KATNIP: variants seen among roughly 807,000 people sequenced by gnomAD.
KATNIP encodes katanin-interacting protein.
Under a neutral mutation model 174.0 loss-of-function variants are expected in KATNIP, and 126 were observed. The observed-to-expected ratio is 0.72, with a 90% CI of 0.63 to 0.84. The LOEUF (loss-of-function observed/expected upper bound fraction) is 0.84. KATNIP is among the 40% of genes least tolerant of loss of function. KATNIP has a pLI of 0.00. For missense variants in KATNIP, 1,958 were observed against 2,109.7 expected (o/e 0.93, Z 1.41); for synonymous variants, 810 against 835.7 (o/e 0.97, Z 0.53).
intron 2 of KATNIP, among the ~76,000 whole-genome samples, chr16:27,581,835 ACACAATGTTT>A (rs2090712138): frequency 6.6e-6 from 1 of 152,190 alleles, no homozygotes; most frequent in African/African-American, 2.4e-5. Context: ...AAGTGAAAAC[ACACAATGTTT>A]GGTTTTCTAT....
intron 2 of KATNIP, among the ~76,000 whole-genome samples, chr16:27,581,262 T>C (rs1198556070): frequency 6.6e-6 from 1 of 152,220 alleles, no homozygotes; most frequent in Non-Finnish European, 1.5e-5. Context: ...TTAAAGAATA[T>C]TCTGGAGCAG....
rs149154005 is a variant in KATNIP, at chr16:27,741,949, C to G, written c.2623+1029C>G. 4.6e-3 allele frequency among the ~76,000 whole-genome samples: 702 copies of G among 151,110 alleles called. 2 individuals are homozygous for G. Among genetic ancestry groups the G allele is most frequent in the South Asian group, 0.02 (97 of 4,748 alleles). The stretch of plus-strand genomic sequence containing the variant: ...GCCACTGTACCAGACCTCCTCTTTA[C>G]TTTTTTCAAGAGAAACCAGAAATGT... On this transcript the variant is annotated intron_variant, in intron 15 of 27. Coordinates refer to ENST00000261588, the MANE Select transcript of KATNIP (RefSeq NM_015202.5).
intron 13 of KATNIP, among the ~76,000 whole-genome samples, chr16:27,717,697 T>G (rs1012067014): frequency 2.0e-5 from 3 of 152,194 alleles, no homozygotes; most frequent in Non-Finnish European, 4.4e-5. Context: ...CCCTAGCACT[T>G]CAGGGCATGC....
At position 27,644,891 on chromosome 16, in the gene KATNIP, G is replaced by A. The variant is rs377701297; in HGVS notation, c.409-3713G>A. On this transcript the variant is annotated intron_variant, in intron 5 of 27. Transcript: ENST00000261588. The stretch of plus-strand genomic sequence containing the variant: ...GTCCTGTTCTATCTTTCAGTAACAG[G>A]GCCAGGAGAGGGTGAGGTAAGTAAG... Among the ~76,000 whole-genome samples the A allele has an allele frequency of 4.6e-5, 7 of 152,214 alleles. No individual in the cohort carries two copies. In the South Asian group the frequency reaches 1.5e-3, roughly 32 times the overall value.
At chr16:27,649,663 T>A (rs2077060984) in intron 6 of KATNIP, among the ~76,000 whole-genome samples, 1 of 152,118 alleles carries the variant, frequency 6.6e-6, no homozygotes, top group Admixed American at 6.6e-5. Flanking sequence ...AGGTGCCTGT[T>A]CTTAAGCAAC....
chr16:27,576,051 A>T (rs1019163956), intron 2 of KATNIP, among the ~76,000 whole-genome samples: 7 of 152,158 alleles, frequency 4.6e-5, no homozygotes, highest in African/African-American at 1.7e-4. Flanking sequence ...CCAGCCTGCA[A>T]GCCAGGAAAG....
Position 27,677,843 on chromosome 16 carries a change from G to A in KATNIP, c.655G>A (p.Asp219Asn). 6.2e-7 allele frequency: 1 copy of A among 1,614,194 alleles called. No individual in the cohort carries two copies. The change falls in exon 7 of 28, where the codon GAC (aspartate) becomes AAC (asparagine). Residue 219 changes from aspartate (D) to asparagine (N), a missense_variant. Physicochemically the swap from Asp to Asn is conservative, Grantham distance 23 (BLOSUM62 1). This residue lies in a region of KATNIP where 1,557 missense variants were observed against 1,617.8 expected (regional missense o/e 0.96). Coordinates refer to ENST00000261588, the MANE Select transcript of KATNIP (RefSeq NM_015202.5). Reference sequence around the variant, plus strand: ...CATACTCTCTGAGCCTGAGCCAGAGGACCCGGCACTGGTGGGCCATCCCAG... The same window carrying A: ...CATACTCTCTGAGCCTGAGCCAGAGAACCCGGCACTGGTGGGCCATCCCAG... Reference protein sequence around the residue: ...EDILSEPEPEDPALVGHPRHD... With the variant: ...EDILSEPEPENPALVGHPRHD...
At chr16:27,735,341 G>C (rs568567186) in intron 14 of KATNIP, among the ~76,000 whole-genome samples, 1 of 152,122 alleles carries the variant, frequency 6.6e-6, no homozygotes, top group Non-Finnish European at 1.5e-5. Flanking sequence ...TGTGGAAGCC[G>C]GCCACCCTAT....
chr16:27,745,091 G>A (rs2081240854), intron 15 of KATNIP, among the ~76,000 whole-genome samples: 2 of 152,346 alleles, frequency 1.3e-5, no homozygotes, highest in Non-Finnish European at 1.5e-5. Context: ...GCATCTCGTT[G>A]AATGCCATCT....
At chr16:27,711,228 G>A (rs2079560751) in intron 13 of KATNIP, among the ~76,000 whole-genome samples, 1 of 152,184 alleles carries the variant, frequency 6.6e-6, no homozygotes, top group Non-Finnish European at 1.5e-5. Context: ...GGGGGTGGGA[G>A]ATGAACAGGA....
At chr16:27,604,391 G>T (rs183590015) in intron 2 of KATNIP, among the ~76,000 whole-genome samples, 1 of 152,018 alleles carries the variant, frequency 6.6e-6, no homozygotes, top group African/African-American at 2.4e-5. Flanking sequence ...ACACCACCAC[G>T]CCCAGCTACT....
intron 6 of KATNIP, among the ~76,000 whole-genome samples, chr16:27,656,330 A>ACC (rs2077281679): frequency 6.7e-6 from 1 of 149,334 alleles, no homozygotes; most frequent in South Asian, 2.2e-4. Context: ...AGGTGGGAGG[A>ACC]TCACTTGAGC....
intron 2 of KATNIP, among the ~76,000 whole-genome samples, chr16:27,597,624 C>T (rs1288403131): frequency 6.6e-6 from 1 of 152,016 alleles, no homozygotes; most frequent in African/African-American, 2.4e-5. Context: ...GAGTTGCTTT[C>T]AACTAGCATT....
intron 2 of KATNIP, among the ~76,000 whole-genome samples, chr16:27,612,053 G>C (rs2075906814): frequency 6.6e-6 from 1 of 152,130 alleles, no homozygotes; most frequent in African/African-American, 2.4e-5. Flanking sequence ...AAGACATCAA[G>C]TTAGGAGTGA....
intron 16 of KATNIP, among the ~76,000 whole-genome samples, chr16:27,751,278 C>G (rs929562717): frequency 6.6e-6 from 1 of 152,150 alleles, no homozygotes; most frequent in East Asian, 1.9e-4. Flanking sequence ...AATTTCAGGT[C>G]TTTCCTGCCT....
intron 5 of KATNIP, among the ~76,000 whole-genome samples, chr16:27,647,258 G>A (rs1386129217): frequency 6.6e-6 from 1 of 152,172 alleles, no homozygotes; most frequent in African/African-American, 2.4e-5. Flanking sequence ...TTTGGGAAAT[G>A]TCCCATGCTG....
intron 8 of KATNIP, among the ~76,000 whole-genome samples, chr16:27,696,395 T>C (rs2078912467): frequency 6.6e-6 from 1 of 152,184 alleles, no homozygotes; most frequent in South Asian, 2.1e-4. Flanking sequence ...GTTACATAGG[T>C]CAACTGCATG....
chr16:27,775,916 G>A (rs1197421217), intron 24 of KATNIP, among the ~76,000 whole-genome samples: 1 of 152,146 alleles, frequency 6.6e-6, no homozygotes, highest in Non-Finnish European at 1.5e-5. Flanking sequence ...CCCCCCTATT[G>A]AGCGTCCTCA....
intron 19 of KATNIP, among the ~76,000 whole-genome samples, chr16:27,761,803 G>T (rs1291066824): frequency 6.6e-6 from 1 of 152,168 alleles, no homozygotes; most frequent in Non-Finnish European, 1.5e-5. Flanking sequence ...CACACAGCTG[G>T]AAGTGTCAGG....
Sources: gnomAD v4.1 joint callset for allele counts (sites outside exome capture counted in the v4.1 genomes callset) on GRCh38, gnomAD v4.1.1 for gene constraint, gnomAD v4.1.1 regional missense constraint, MANE v1.5 for transcripts, NCBI Gene and HGNC (gene_info 2026-07-23, HGNC 2026-07-21) for gene names.